LARS2: variants seen among roughly 807,000 people sequenced by gnomAD.
LARS2 encodes leucyl-tRNA synthetase 2, mitochondrial, also known as leucine--tRNA ligase, mitochondrial.
Under a neutral mutation model 116.6 loss-of-function variants are expected in LARS2, and 81 were observed. The observed-to-expected ratio is 0.69, with a 90% CI of 0.58 to 0.84. The LOEUF (loss-of-function observed/expected upper bound fraction) is 0.84. Ranked by LOEUF, LARS2 falls within the 40% of genes least tolerant of loss-of-function variation. The probability of loss-of-function intolerance (pLI) is 0.00; values close to 1 mark genes in which losing one functional copy is unlikely to be tolerated. For synonymous variants in LARS2, 396 were observed against 407.2 expected (o/e 0.97, Z 0.33); for missense variants, 968 against 1,114.5 (o/e 0.87, Z 1.87).
intron 15 of LARS2, among the ~76,000 whole-genome samples, chr3:45,510,179 G>A (rs953722306): frequency 6.6e-6 from 1 of 152,016 alleles, no homozygotes; most frequent in Non-Finnish European, 1.5e-5. Flanking sequence ...TTGGGAGGCC[G>A]AGGCAGGAGG....
At chr3:45,447,031 A>G in intron 7 of LARS2, 51 bp downstream of exon 7, 2 of 1,106,174 alleles carry the variant, frequency 1.8e-6, no homozygotes, top group Non-Finnish European at 2.7e-6. Flanking sequence ...TCTTTAGGAT[A>G]CATCATTGTA....
chr3:45,520,345 T>A (rs755389740), intron 19 of LARS2, 49 bp downstream of exon 19: 8 of 1,478,648 alleles, frequency 5.4e-6, no homozygotes, highest in Non-Finnish European at 3.8e-6. Context: ...GAGGGAGAGG[T>A]GTGGCAAGGG....
intron 7 of LARS2, among the ~76,000 whole-genome samples, chr3:45,451,012 G>A (rs1011084963): frequency 1.3e-5 from 2 of 151,900 alleles, no homozygotes; most frequent in African/African-American, 4.8e-5. Flanking sequence ...CTATATAGGT[G>A]TTTTGCCTGT....
chr3:45,472,761 A>G (rs573496546), intron 8 of LARS2, among the ~76,000 whole-genome samples: 37 of 152,334 alleles, frequency 2.4e-4, no homozygotes, highest in Middle Eastern at 3.4e-3. Flanking sequence ...TGTTGCTTCC[A>G]CAGCTCTATC....
chr3:45,493,168 C>T (rs925050172), intron 13 of LARS2, among the ~76,000 whole-genome samples: 10 of 151,928 alleles, frequency 6.6e-5, no homozygotes, highest in Admixed American at 2.0e-4. Context: ...GGTGCAATCT[C>T]GGCTCACTGC....
intron 6 of LARS2, among the ~76,000 whole-genome samples, chr3:45,439,025 C>T (rs1296338940): frequency 6.6e-6 from 1 of 152,068 alleles, no homozygotes; most frequent in Non-Finnish European, 1.5e-5. Flanking sequence ...CTCTGTCCCT[C>T]TCCTGCATAA....
chr3:45,420,110 C>T (rs1000822786), intron 6 of LARS2, among the ~76,000 whole-genome samples: 1 of 152,096 alleles, frequency 6.6e-6, no homozygotes, highest in East Asian at 1.9e-4. Context: ...ATTTATTTAC[C>T]TTTTGTTTTA....
chr3:45,466,563 A>C (rs1699429065), intron 8 of LARS2, among the ~76,000 whole-genome samples: 1 of 151,116 alleles, frequency 6.6e-6, no homozygotes, highest in African/African-American at 2.4e-5. Flanking sequence ...TGTCCTTCTC[A>C]CTCCTTCCCA....
At chr3:45,439,076 C>T (rs931110162) in intron 6 of LARS2, among the ~76,000 whole-genome samples, 4 of 152,088 alleles carry the variant, frequency 2.6e-5, no homozygotes, top group Admixed American at 2.0e-4. Context: ...TAGCCCTGTT[C>T]CCTACTTCCT....
intron 10 of LARS2, among the ~76,000 whole-genome samples, chr3:45,482,657 CAA>C (rs1699723318): frequency 6.6e-6 from 1 of 152,122 alleles, no homozygotes. Context: ...TATGAAAAGT[CAA>C]AGAGTACTAA....
At chr3:45,520,341 G>C in intron 19 of LARS2, 45 bp downstream of exon 19, 1 of 1,517,670 alleles carries the variant, frequency 6.6e-7, no homozygotes, top group Non-Finnish European at 9.2e-7. Flanking sequence ...GAGGGAGGGA[G>C]AGGTGTGGCA....
intron 15 of LARS2, among the ~76,000 whole-genome samples, chr3:45,509,022 C>A (rs959632177): frequency 6.6e-6 from 1 of 151,492 alleles, no homozygotes; most frequent in Admixed American, 6.6e-5. Flanking sequence ...GATCTCCCCC[C>A]AGTTTTCATC....
chr3:45,429,698 CTTTTTTTTT>C (rs35874596), intron 6 of LARS2, among the ~76,000 whole-genome samples: 1 of 108,140 alleles, frequency 9.2e-6, no homozygotes, highest in African/African-American at 3.5e-5. Flanking sequence ...CATCCTTCTG[CTTTTTTTTT>C]TTTTTTTTTT....
In LARS2 at chr3:45,502,813, A is replaced by G. The variant is rs540374596; in HGVS notation, c.1760+2234A>G. Among the ~76,000 whole-genome samples the G allele has an allele frequency of 2.0e-5, 3 of 151,952 alleles. No individual in the cohort carries two copies. The South Asian group carries it at 6.2e-4, about 32-fold the overall frequency. ...TTTATTTTAATTATTCTTCATTTCT[A>G]GAAGTTCTAGGTTTTTAAATTTTCC... On this transcript the variant is annotated intron_variant, in intron 15 of 21. Transcript: ENST00000645846.
chr3:45,398,155 G>T (rs1455793978), intron 3 of LARS2, among the ~76,000 whole-genome samples: 1 of 152,138 alleles, frequency 6.6e-6, no homozygotes, highest in Admixed American at 6.6e-5. Flanking sequence ...AACACTCCTT[G>T]GTAATTTCTA....
chr3:45,503,208 A>C (rs2125742569), intron 15 of LARS2, among the ~76,000 whole-genome samples: 1 of 152,202 alleles, frequency 6.6e-6, no homozygotes, highest in East Asian at 1.9e-4. Flanking sequence ...ATACGAATAC[A>C]GTCCCAAACC....
intron 15 of LARS2, among the ~76,000 whole-genome samples, chr3:45,510,995 A>G (rs762941241): frequency 6.6e-6 from 1 of 152,206 alleles, no homozygotes; most frequent in Non-Finnish European, 1.5e-5. Context: ...GTGCTTTCTG[A>G]TTATATGGTA....
rs76707524 is a variant in LARS2 at position 45,451,714 on chromosome 3, T to C, written c.606+4734T>C. On this transcript the variant is annotated intron_variant, in intron 7 of 21. Transcript: ENST00000645846. ...GTCTTTTGTGGTTCCATACAGATTTTAGGGGTTTTTTTCTATTTCTGTAAA... is the reference window on the plus strand; with the variant it reads ...GTCTTTTGTGGTTCCATACAGATTTCAGGGGTTTTTTTCTATTTCTGTAAA... 4.2e-3 allele frequency among the ~76,000 whole-genome samples: 633 copies of C among 152,254 alleles called. 5 individuals are homozygous for C. The highest frequency in any genetic ancestry group is 0.014 in the African/African-American group (595 of 41,582).
At chr3:45,416,621 T>C (rs1205745548) in intron 4 of LARS2, among the ~76,000 whole-genome samples, 4 of 152,236 alleles carry the variant, frequency 2.6e-5, no homozygotes, top group Non-Finnish European at 5.9e-5. Context: ...CTGCACTGTC[T>C]GGTTCAGTGT....
Sources: gnomAD v4.1 joint callset for allele counts (sites outside exome capture counted in the v4.1 genomes callset) on GRCh38, gnomAD v4.1.1 for gene constraint, MANE v1.5 for transcripts, NCBI Gene and HGNC (gene_info 2026-07-23, HGNC 2026-07-21) for gene names.